The following SOCS7 variants were observed in gnomAD, a reference collection of about 807,000 sequenced individuals.
The protein encoded by SOCS7 is NAP-4.
In SOCS7, 18 loss-of-function variants were observed where a neutral mutation model predicts 58.9. The ratio of observed to expected loss-of-function variants is 0.31; its 90% CI spans 0.21 to 0.45. The LOEUF (loss-of-function observed/expected upper bound fraction) is 0.45, where lower values mean the gene tolerates loss of function less well. Among genes scored for constraint, SOCS7 ranks in the 20% least tolerant of loss-of-function variants. The pLI is 1.00. For synonymous variants in SOCS7, 388 were observed against 364.3 expected (o/e 1.06, Z -0.74); for missense variants, 667 against 837.3 (o/e 0.80, Z 2.51).
chr17:38,385,544 C>G (rs996814613), intron 7 of SOCS7, among the ~76,000 whole-genome samples: 1 of 151,626 alleles, frequency 6.6e-6, no homozygotes, highest in Non-Finnish European at 1.5e-5. Context: ...CAAAACTTTT[C>G]CAGCCACTCC....
chr17:38,397,398 A>G (rs1480835028), intron 9 of SOCS7, among the ~76,000 whole-genome samples: 3 of 152,198 alleles, frequency 2.0e-5, no homozygotes, highest in African/African-American at 4.8e-5. Context: ...ACTCAAGACA[A>G]GTGGCTCCCT....
At chr17:38,391,040 T>G (rs554353310) in intron 7 of SOCS7, among the ~76,000 whole-genome samples, 33 of 152,286 alleles carry the variant, frequency 2.2e-4, no homozygotes, top group Admixed American at 1.1e-3. Context: ...TTTGTTAAAT[T>G]TATTTTTTAG....
At chr17:38,354,325 T>G (rs779853961) in intron 1 of SOCS7, among the ~76,000 whole-genome samples, 1 of 152,204 alleles carries the variant, frequency 6.6e-6, no homozygotes, top group Non-Finnish European at 1.5e-5. Flanking sequence ...TAAGATCACT[T>G]GGGGAGCTTT....
In SOCS7 at chr17:38,403,812, T is replaced by A. The variant is rs945264001; in HGVS notation, c.*4330T>A. The A allele has an allele frequency of 1.3e-5, 2 of 152,276 alleles. No homozygotes were observed. The highest frequency in any genetic ancestry group is 4.8e-5 in the African/African-American group (2 of 41,562). 9.4% of individuals were successfully genotyped at this position (152,276 alleles called of 1,614,324 possible). ...GTTTGGTTTGTGGGAAAGGAGGGAATGGATAAGTGATTTTTATCTCTAATC... is the reference window on the plus strand; with the variant it reads ...GTTTGGTTTGTGGGAAAGGAGGGAAAGGATAAGTGATTTTTATCTCTAATC... On this transcript the variant is annotated 3_prime_UTR_variant, in exon 10 of 10. Coordinates refer to ENST00000612932, the MANE Select transcript of SOCS7 (RefSeq NM_014598.4).
intron 1 of SOCS7, among the ~76,000 whole-genome samples, chr17:38,359,739 TTA>T (rs71368481): frequency 9.1e-4 from 135 of 147,912 alleles, no homozygotes; most frequent in African/African-American, 2.4e-3. Flanking sequence ...TGTTTTACTG[TTA>T]TATATATATA....
In SOCS7 at chr17:38,405,095, T is replaced by C. The variant is rs2038374462; in HGVS notation, c.*5613T>C. The C allele has an allele frequency of 6.6e-6, 1 of 152,180 alleles. No individual in the cohort carries two copies. The highest frequency in any genetic ancestry group is 2.4e-5 in the African/African-American group (1 of 41,426). The allele number at this position is 152,180 out of a possible 1,614,324, so 9.4% of individuals were successfully genotyped here. A position where few individuals can be genotyped will look rare whatever the true frequency, so the allele number is the denominator to read the frequency against. ...CTGGCTTTTGTCTTCCCATTTAGTT[T>C]TCCTCTTTTACCCTTCCTTTTGTGC... On this transcript the variant is annotated 3_prime_UTR_variant, in exon 10 of 10. Transcript: ENST00000612932.
intron 7 of SOCS7, among the ~76,000 whole-genome samples, chr17:38,389,906 T>TATATATGTACATATATATATATAG (rs1555571102): frequency 9.7e-6 from 1 of 103,472 alleles, no homozygotes; most frequent in African/African-American, 4.7e-5. Context: ...TATACACATA[T>TATATATGTACATATATATATATAG]AGAGAGAGAG....
intron 7 of SOCS7, among the ~76,000 whole-genome samples, chr17:38,383,635 G>A (rs941889911): frequency 2.0e-5 from 3 of 152,046 alleles, no homozygotes; most frequent in South Asian, 2.1e-4. Flanking sequence ...TCGGCTCATC[G>A]CAACCTCTGC....
chr17:38,376,091 T>TA (rs2037927520), intron 6 of SOCS7: 1 of 152,194 alleles, frequency 6.6e-6, no homozygotes, highest in Admixed American at 6.5e-5. Context: ...AGACCAGTAT[T>TA]AAACAGTGAA....
chr17:38,368,384 G>A (rs940042800), intron 6 of SOCS7, among the ~76,000 whole-genome samples: 23 of 152,214 alleles, frequency 1.5e-4, no homozygotes, highest in Non-Finnish European at 7.4e-5. Flanking sequence ...GGACCATTAG[G>A]CAAATTCTCA....
In SOCS7 at chr17:38,352,988, G is replaced by T. The variant is rs1396959670; in HGVS notation, c.936G>T (p.Leu312=). The change falls in exon 1 of 10, where the codon CTG becomes CTT. Residue 312 remains leucine (L), a synonymous_variant. Coordinates refer to ENST00000612932, the MANE Select transcript of SOCS7 (RefSeq NM_014598.4). The surrounding 1 kb of genome is among the most constrained non-coding windows in gnomAD (Gnocchi z 5.5). The part of the protein sequence containing the change: ...SGELAASAAS[L]TDMGGSAGRE... ...AGCTGGCTGCTTCAGCTGCGAGCCTGACAGACATGGGAGGCTCTGCGGGCC... is the reference window on the plus strand; with the variant it reads ...AGCTGGCTGCTTCAGCTGCGAGCCTTACAGACATGGGAGGCTCTGCGGGCC... 2 of 1,605,802 alleles carry T rather than the reference G, an allele frequency of 1.2e-6. No homozygotes were observed. Among genetic ancestry groups the T allele is most frequent in the Non-Finnish European group, 1.7e-6 (2 of 1,177,888 alleles).
intron 7 of SOCS7, among the ~76,000 whole-genome samples, chr17:38,389,268 T>A (rs1029107263): frequency 4.6e-5 from 7 of 152,250 alleles, no homozygotes; most frequent in Admixed American, 3.9e-4. Context: ...TATTGAGTTA[T>A]GAGTTCTTTA....
chr17:38,367,669 C>T (rs920802129), intron 5 of SOCS7, among the ~76,000 whole-genome samples: 8 of 152,224 alleles, frequency 5.3e-5, no homozygotes, highest in East Asian at 3.8e-4. Context: ...CCACAGCTCA[C>T]GGCCAGAATT....
intron 6 of SOCS7, among the ~76,000 whole-genome samples, chr17:38,373,299 G>A (rs2037891220): frequency 6.6e-6 from 1 of 152,174 alleles, no homozygotes; most frequent in South Asian, 2.1e-4. Context: ...AACAGAAGAC[G>A]TAGCTTCTGC....
intron 6 of SOCS7, among the ~76,000 whole-genome samples, chr17:38,371,761 T>G (rs1259048700): frequency 1.3e-4 from 20 of 149,586 alleles, no homozygotes; most frequent in African/African-American, 4.7e-4. Context: ...TGTGTTTTTT[T>G]TTTTTTTTTT....
chr17:38,395,449 A>C lies in SOCS7; in HGVS notation c.1817+5A>C. ...CCCAGATCTCCCACTGCCTAAGTAC[A>C]ATGGGGTTGTCAGGTTTGGGACAGG... is the stretch of plus-strand genomic sequence containing the variant. On this transcript the variant is annotated splice_donor_5th_base_variant and intron_variant, in intron 8 of 9. Coordinates refer to ENST00000612932, the MANE Select transcript of SOCS7 (RefSeq NM_014598.4). 7 of 1,612,474 alleles carry C rather than the reference A, an allele frequency of 4.3e-6. No homozygotes were observed. Among genetic ancestry groups the C allele is most frequent in the Non-Finnish European group, 5.1e-6 (6 of 1,178,696 alleles).
chr17:38,366,696 A>G (rs183740847), intron 5 of SOCS7, among the ~76,000 whole-genome samples: 1 of 152,306 alleles, frequency 6.6e-6, no homozygotes, highest in East Asian at 1.9e-4. Flanking sequence ...CTGGTCTTGC[A>G]GTTTCCCAGG....
In SOCS7 at chr17:38,402,926, T is replaced by G. The variant is rs1480232365; in HGVS notation, c.*3444T>G. On this transcript the variant is annotated 3_prime_UTR_variant, in exon 10 of 10. Transcript: ENST00000612932. The stretch of plus-strand genomic sequence containing the variant: ...TTGAGAGTGAGCTGCTGTGAGCCAG[T>G]GACAACTACTGCTACAACTTGCTGT... 2.0e-5 allele frequency: 3 copies of G among 152,198 alleles called. No homozygotes were observed. The highest frequency in any genetic ancestry group is 7.2e-5 in the African/African-American group (3 of 41,438). 9.4% of individuals were successfully genotyped at this position (152,198 alleles called of 1,614,324 possible).
At chr17:38,369,412 G>C (rs2037832390) in intron 6 of SOCS7, among the ~76,000 whole-genome samples, 1 of 152,170 alleles carries the variant, frequency 6.6e-6, no homozygotes, top group Non-Finnish European at 1.5e-5. Context: ...GAAGAGAAAG[G>C]AACTTCAATC....
Sources: gnomAD v4.1 joint callset for allele counts (sites outside exome capture counted in the v4.1 genomes callset) on GRCh38, gnomAD v4.1.1 for gene constraint, Gnocchi (gnomAD v3.1) non-coding constraint, MANE v1.5 for transcripts, NCBI Gene and HGNC (gene_info 2026-07-23, HGNC 2026-07-21) for gene names.